IPMK: variants seen among roughly 807,000 people sequenced by gnomAD.
IPMK encodes the protein inositol polyphosphate multikinase.
Under a neutral mutation model 45.8 loss-of-function variants are expected in IPMK, and 17 were observed. That is an observed-to-expected ratio of 0.37 (90% CI 0.25 to 0.56). IPMK has a LOEUF of 0.56. Among genes scored for constraint, IPMK ranks in the 20% least tolerant of loss-of-function variants. IPMK has a pLI of 0.79. For missense variants in IPMK, 399 were observed against 498.0 expected (o/e 0.80, Z 1.89); for synonymous variants, 180 against 184.3 (o/e 0.98, Z 0.19).
intron 1 of IPMK, among the ~76,000 whole-genome samples, chr10:58,261,591 GT>G (rs774794434): frequency 7.8e-4 from 111 of 142,224 alleles, no homozygotes; most frequent in Admixed American, 9.2e-4. Context: ...ACTTTTGTTT[GT>G]TTTTTTTTTT....
chr10:58,213,538 T>A (rs1371851322), intron 4 of IPMK, among the ~76,000 whole-genome samples: 4 of 152,058 alleles, frequency 2.6e-5, no homozygotes, highest in Non-Finnish European at 5.9e-5. Flanking sequence ...ATACTAAAAA[T>A]TAGCAGGATG....
chr10:58,260,658 C>G (rs1839050422), intron 1 of IPMK, among the ~76,000 whole-genome samples: 1 of 149,218 alleles, frequency 6.7e-6, no homozygotes, highest in Admixed American at 6.7e-5. Context: ...AAATTTTTTT[C>G]AAAAAAAAAC....
At chr10:58,257,759 G>A (rs75990283) in intron 1 of IPMK, among the ~76,000 whole-genome samples, 1,529 of 152,118 alleles carry the variant, frequency 0.01, 21 homozygotes, top group African/African-American at 0.033. Context: ...TCATAAGAAC[G>A]TTTGATATAG....
intron 1 of IPMK, among the ~76,000 whole-genome samples, chr10:58,265,208 A>C (rs771337700): frequency 1.3e-5 from 2 of 152,202 alleles, no homozygotes; most frequent in Non-Finnish European, 2.9e-5. Flanking sequence ...TGTTCTATCA[A>C]GTTCCATGAG....
intron 3 of IPMK, among the ~76,000 whole-genome samples, chr10:58,222,669 T>C (rs1250830325): frequency 1.3e-5 from 2 of 152,198 alleles, no homozygotes; most frequent in South Asian, 2.1e-4. Context: ...TATCACTTAT[T>C]AATTTATAGA....
chr10:58,212,392 CTCCATGCATCCAT>C (rs1838178569), intron 4 of IPMK: 1 of 158,096 alleles, frequency 6.3e-6, no homozygotes, highest in Non-Finnish European at 1.5e-5. Flanking sequence ...AATGCATCCA[CTCCATGCATCCAT>C]AGTCAAAATA....
At chr10:58,250,247 C>G (rs772995186) in intron 1 of IPMK, among the ~76,000 whole-genome samples, 2 of 152,166 alleles carry the variant, frequency 1.3e-5, no homozygotes, top group Admixed American at 6.5e-5. Flanking sequence ...ATAGGGATTA[C>G]ATTGACTCTG....
intron 1 of IPMK, among the ~76,000 whole-genome samples, chr10:58,262,878 G>A (rs1479125232): frequency 6.6e-6 from 1 of 152,138 alleles, no homozygotes; most frequent in Non-Finnish European, 1.5e-5. Flanking sequence ...GGTAAAGGAA[G>A]AGCTATTTCT....
At chr10:58,251,699 T>C (rs1838882871) in intron 1 of IPMK, among the ~76,000 whole-genome samples, 2 of 152,222 alleles carry the variant, frequency 1.3e-5, no homozygotes, top group Admixed American at 1.3e-4. Context: ...TTATATCCTC[T>C]TGCGGTACTA....
chr10:58,224,984 C>T (rs2132157922), intron 3 of IPMK, among the ~76,000 whole-genome samples: 1 of 152,284 alleles, frequency 6.6e-6, no homozygotes, highest in Non-Finnish European at 1.5e-5. Context: ...AGAAAACAAT[C>T]TGCATGGTCC....
At chr10:58,221,273 G>A (rs1838329237) in intron 3 of IPMK, among the ~76,000 whole-genome samples, 1 of 151,842 alleles carries the variant, frequency 6.6e-6, no homozygotes, top group Non-Finnish European at 1.5e-5. Context: ...CAACTATCAT[G>A]ATCTGTTTCC....
intron 1 of IPMK, among the ~76,000 whole-genome samples, chr10:58,244,511 G>A (rs938963806): frequency 1.9e-4 from 26 of 137,038 alleles, no homozygotes; most frequent in African/African-American, 6.3e-4. Flanking sequence ...AGGCCGTCCC[G>A]TCTGGGAAGT....
At chr10:58,255,400 G>A (rs191089245) in intron 1 of IPMK, among the ~76,000 whole-genome samples, 3 of 152,282 alleles carry the variant, frequency 2.0e-5, no homozygotes, top group African/African-American at 4.8e-5. Context: ...GAAATTTTCT[G>A]TGAGTGGTGT....
Position 58,267,587 on chromosome 10 carries a change from G to C in IPMK, c.25C>G (p.Leu9Val). Residue 9 changes from leucine (L) to valine (V), a missense_variant, in exon 1 of 6, where the codon CTC becomes GTC. Leu to Val is a conservative substitution (Grantham distance 32). Around this residue, in one of 2 missense-constraint regions of IPMK, gnomAD observed 111 missense variants for 99.9 expected, o/e 1.11. Transcript: ENST00000373935. ...GGGGGGCCCGGCGCCTCGACCCGGA[G>C]GGGGGATGGTGGCTCTGTTGCCATA... MATEPPSP[L>V]RVEAPGPPEM... 2 of 1,603,782 alleles carry C rather than the reference G, an allele frequency of 1.2e-6. No homozygotes were observed. Among genetic ancestry groups the C allele is most frequent in the African/African-American group, 2.7e-5 (2 of 74,834 alleles).
At chr10:58,199,753 T>C (rs185414032) in intron 4 of IPMK, among the ~76,000 whole-genome samples, 6 of 152,254 alleles carry the variant, frequency 3.9e-5, no homozygotes, top group African/African-American at 1.2e-4. Context: ...GGTATAATAA[T>C]TTGGAAAGGT....
intron 1 of IPMK, among the ~76,000 whole-genome samples, chr10:58,255,256 G>A (rs1838947653): frequency 1.3e-5 from 2 of 152,236 alleles, no homozygotes; most frequent in African/African-American, 4.8e-5. Flanking sequence ...AGTTGGTTCA[G>A]CCCTTCTGGC....
At chr10:58,258,374 T>C (rs965807238) in intron 1 of IPMK, among the ~76,000 whole-genome samples, 2 of 152,128 alleles carry the variant, frequency 1.3e-5, no homozygotes, top group African/African-American at 4.8e-5. Context: ...AACAAACAAG[T>C]TGACCAAATT....
chr10:58,232,713 C>G (rs2790226), intron 2 of IPMK, among the ~76,000 whole-genome samples: 51,484 of 151,984 alleles, frequency 0.34, 10,966 homozygotes, highest in African/African-American at 0.61. Context: ...CAATAAATGC[C>G]CACAAGAGAA....
At chr10:58,215,383 C>CTTTTTT (rs1482519079) in intron 4 of IPMK, among the ~76,000 whole-genome samples, 6 of 116,300 alleles carry the variant, frequency 5.2e-5, no homozygotes, top group East Asian at 5.9e-4. Flanking sequence ...AAACAATTAC[C>CTTTTTT]TATTTTTTTT....
Sources: allele counts gnomAD v4.1 joint callset (sites outside exome capture counted in the v4.1 genomes callset), GRCh38; gene constraint gnomAD v4.1.1; regional missense constraint gnomAD v4.1.1; transcripts MANE v1.5; gene names NCBI Gene and HGNC (gene_info 2026-07-23, HGNC 2026-07-21).